The following KDM3B variants were observed in gnomAD, a reference collection of about 807,000 sequenced individuals.
The protein encoded by KDM3B is lysine demethylase 3B.
In KDM3B, 10 loss-of-function variants were observed where a neutral mutation model predicts 170.0. The observed-to-expected ratio is 0.06, with a 90% CI of 0.04 to 0.10. KDM3B has a LOEUF of 0.10. Among genes scored for constraint, KDM3B ranks in the 10% least tolerant of loss-of-function variants. The probability of loss-of-function intolerance (pLI) is 1.00; values close to 1 mark genes in which losing one functional copy is unlikely to be tolerated. For missense variants in KDM3B, 1,394 were observed against 2,195.2 expected, an observed-to-expected ratio of 0.64 and a Z score of 7.29; for synonymous variants, 831 against 834.8, an observed-to-expected ratio of 1.00 and a Z score of 0.08.
At chr5:138,427,135 T>C (rs1014981343) in intron 18 of KDM3B, 54 bp from the exon 19 acceptor site, 51 of 1,607,242 alleles carry the variant, frequency 3.2e-5, no homozygotes, top group Non-Finnish European at 6.8e-6. Context: ...GAAATTTGTC[T>C]ATTGGCTTTC....
At chr5:138,431,394 A>G (rs772964143) in intron 22 of KDM3B, 31 bp from the exon 23 acceptor site, 2 of 1,537,426 alleles carry the variant, frequency 1.3e-6, no homozygotes, top group African/African-American at 1.4e-5. Context: ...CTAATGTCTG[A>G]TATTTCTCCT....
intron 10 of KDM3B, among the ~76,000 whole-genome samples, chr5:138,399,457 G>A (rs1362536036): frequency 6.6e-6 from 1 of 151,858 alleles, no homozygotes; most frequent in East Asian, 2.0e-4. Flanking sequence ...TGAATGGTAT[G>A]AACCCGGGAG....
chr5:138,370,745 T>C (rs1561759686), intron 1 of KDM3B, among the ~76,000 whole-genome samples: 1 of 152,044 alleles, frequency 6.6e-6, no homozygotes, highest in Non-Finnish European at 1.5e-5. Context: ...GGGAGTCACA[T>C]GTGTGGGGAT....
At chr5:138,409,288 A>G in intron 11 of KDM3B, among the ~76,000 whole-genome samples, 1 of 151,988 alleles carries the variant, frequency 6.6e-6, no homozygotes, top group East Asian at 1.9e-4. Flanking sequence ...ATGATCATCT[A>G]TGTAGAAATC....
Position 138,391,860 on chromosome 5 carries a change from C to G in KDM3B, c.2228C>G (p.Ser743Cys). 5 of 1,614,176 alleles carry G rather than the reference C, an allele frequency of 3.1e-6. No individual in the cohort carries two copies. The South Asian group carries it at 3.3e-5, about 11-fold the overall frequency. Residue 743 changes from serine (S) to cysteine (C), a missense_variant, in exon 8 of 24, where the codon TCT (serine) becomes TGT (cysteine). By Grantham distance (112) the Ser-to-Cys change is moderately radical. Around this residue, in one of 19 missense-constraint regions of KDM3B, gnomAD observed 294 missense variants for 311.7 expected, o/e 0.94. Coordinates refer to ENST00000314358, the MANE Select transcript of KDM3B (RefSeq NM_016604.4). The surrounding 1 kb of genome is among the most constrained non-coding windows in gnomAD (Gnocchi z 5.0). The stretch of plus-strand genomic sequence containing the variant: ...CCCATTGAGATGCCAACTCTCTCCT[C>G]TAGCCCCACAGAGGAGAGGCCAACT... ...TQPIEMPTLS[S>C]SPTEERPTVG...
At chr5:138,424,514 A>C (rs1763346656) in intron 16 of KDM3B, among the ~76,000 whole-genome samples, 173 bp downstream of exon 16, 1 of 152,208 alleles carries the variant, frequency 6.6e-6, no homozygotes, top group Non-Finnish European at 1.5e-5. Flanking sequence ...ATGGCCAGGC[A>C]CTATAGCTCA....
intron 11 of KDM3B, among the ~76,000 whole-genome samples, chr5:138,414,695 C>G (rs1017604484): frequency 3.9e-5 from 6 of 152,158 alleles, no homozygotes; most frequent in African/African-American, 9.7e-5. Context: ...TGACTCATAC[C>G]TGTAATCCCA....
rs551330545 is a variant in KDM3B at position 138,431,912 on chromosome 5, C to CA, written c.5205+366dup. On this transcript the variant is annotated intron_variant, in intron 23 of 23. Transcript: ENST00000314358. ...GGGCAACAGAGCAAGACTCCCATCT[C>CA]AAAAAAAAAAAAACAAAAAACAGTT... is the stretch of plus-strand genomic sequence containing the variant. Among the ~76,000 whole-genome samples, 1,074 of 115,716 alleles carry CA rather than the reference C, an allele frequency of 9.3e-3. 3 individuals are homozygous for CA. The highest frequency in any genetic ancestry group is 0.013 in the South Asian group (49 of 3,736). 75.9% of individuals were successfully genotyped at this position (115,716 alleles called of 152,430 possible).
chr5:138,356,220 T>A (rs1467803911), intron 1 of KDM3B, among the ~76,000 whole-genome samples: 2 of 152,244 alleles, frequency 1.3e-5, no homozygotes, highest in Admixed American at 6.5e-5. Context: ...TAATCCAGGT[T>A]TTATTTCTGT....
At chr5:138,421,270 G>A (rs1008638568) in intron 15 of KDM3B, among the ~76,000 whole-genome samples, 2 of 152,052 alleles carry the variant, frequency 1.3e-5, no homozygotes, top group African/African-American at 4.8e-5. Flanking sequence ...CATTTGTATT[G>A]TATTCTCTTG....
At chr5:138,355,370 T>C (rs1267070643) in intron 1 of KDM3B, among the ~76,000 whole-genome samples, 2 of 152,224 alleles carry the variant, frequency 1.3e-5, no homozygotes, top group African/African-American at 4.8e-5. Flanking sequence ...TAAAATACAG[T>C]ACTGATCCAT....
At chr5:138,387,752 A>G (rs1247586750) in intron 7 of KDM3B, among the ~76,000 whole-genome samples, 1 of 152,204 alleles carries the variant, frequency 6.6e-6, no homozygotes, top group Non-Finnish European at 1.5e-5. Flanking sequence ...ATGGATTTCC[A>G]GTGTAAATCA....
intron 23 of KDM3B, among the ~76,000 whole-genome samples, chr5:138,433,900 G>A (rs983035019): frequency 3.4e-5 from 5 of 149,234 alleles, no homozygotes; most frequent in Non-Finnish European, 5.9e-5. Flanking sequence ...TCATCACACC[G>A]AGCTAATTTT....
rs1293027790 is a variant in KDM3B, at chr5:138,431,446, A to C, written c.5092A>C (p.Ile1698Leu). The stretch of plus-strand genomic sequence containing the variant: ...TCAGGTTCACAATCTATACAGTTGC[A>C]TAAAAGTAGCAGAAGACTTTGTATC... ...PHQVHNLYSC[I>L]KVAEDFVSPE... The change falls in exon 23 of 24, where the codon ATA becomes CTA. Residue 1698 changes from isoleucine to leucine, a missense_variant. Ile to Leu is a conservative substitution (Grantham distance 5, BLOSUM62 2). Transcript: ENST00000314358. 1 of 1,610,138 alleles carries C rather than the reference A, an allele frequency of 6.2e-7. No individual in the cohort carries two copies. Among genetic ancestry groups the C allele is most frequent in the Non-Finnish European group, 8.5e-7 (1 of 1,178,482 alleles).
chr5:138,410,940 C>T (rs1328718120), intron 11 of KDM3B, among the ~76,000 whole-genome samples: 1 of 152,208 alleles, frequency 6.6e-6, no homozygotes, highest in Non-Finnish European at 1.5e-5. Context: ...TGAAGGCGGA[C>T]TAGGAGTGTG....
intron 7 of KDM3B, 98 bp downstream of exon 7, chr5:138,386,719 A>G: frequency 6.9e-7 from 1 of 1,456,382 alleles, no homozygotes; most frequent in Admixed American, 2.1e-5. Context: ...CCAGGGAAGG[A>G]GTATTTCTGA....
Position 138,425,443 on chromosome 5 carries a change from C to G in KDM3B, c.4272C>G (p.Leu1424=), listed in dbSNP as rs1037070832. 44 of 1,613,910 alleles carry G rather than the reference C, an allele frequency of 2.7e-5. No homozygotes were observed. Among genetic ancestry groups the G allele is most frequent in the East Asian group, 6.7e-5 (3 of 44,872 alleles). Residue 1424 remains leucine (L), a synonymous_variant, in exon 17 of 24, where the codon CTC becomes CTG. Coordinates refer to ENST00000314358, the MANE Select transcript of KDM3B (RefSeq NM_016604.4). ...TGGTTTCGGGGGTACATAAAAAGCT[C>G]AAGTCTGAGCTCTGGAAGCCAGAAG... ...PVLVSGVHKK[L]KSELWKPEAF...
rs1580969401 is a variant in KDM3B, at chr5:138,436,015, G to A, written c.*315G>A. On this transcript the variant is annotated 3_prime_UTR_variant, in exon 24 of 24. Transcript: ENST00000314358. ...ACATTCTCCTGATTTGAGATTCACGGGCACACCTTTCTTTTCTTTTCCTCT... is the reference window on the plus strand; with the variant it reads ...ACATTCTCCTGATTTGAGATTCACGAGCACACCTTTCTTTTCTTTTCCTCT... 1 of 303,306 alleles carries A rather than the reference G, an allele frequency of 3.3e-6. No individual in the cohort carries two copies. The highest frequency in any genetic ancestry group is 6.2e-6 in the Non-Finnish European group (1 of 162,220). The allele number at this position is 303,306 out of a possible 1,614,324, so 18.8% of individuals were successfully genotyped here. A position where few individuals can be genotyped will look rare whatever the true frequency, so the allele number is the denominator to read the frequency against.
At chr5:138,387,445 CTACTG>C (rs1465119790) in intron 7 of KDM3B, among the ~76,000 whole-genome samples, 3 of 152,016 alleles carry the variant, frequency 2.0e-5, no homozygotes, top group Non-Finnish European at 1.5e-5. Flanking sequence ...ATATAGGAAA[CTACTG>C]TGTGCTGAGT....
Sources: gnomAD v4.1 joint callset for allele counts (sites outside exome capture counted in the v4.1 genomes callset) on GRCh38, gnomAD v4.1.1 for gene constraint, gnomAD v4.1.1 regional missense constraint, Gnocchi (gnomAD v3.1) non-coding constraint, MANE v1.5 for transcripts, NCBI Gene and HGNC (gene_info 2026-07-23, HGNC 2026-07-21) for gene names.